The following GALNT17 variants were observed in gnomAD, a reference collection of about 807,000 sequenced individuals.
GALNT17 encodes the protein UDP-GalNAc:polypeptide N-acetylgalactosaminyltransferase-like 3.
GALNT17 carries 29 observed loss-of-function variants against 63.7 expected under a neutral mutation model. The ratio of observed to expected loss-of-function variants is 0.46; its 90% CI spans 0.34 to 0.62. GALNT17 has a LOEUF of 0.62. Ranked by LOEUF, GALNT17 falls within the 20% of genes least tolerant of loss-of-function variation. The probability of loss-of-function intolerance (pLI) is 0.01; values close to 1 mark genes in which losing one functional copy is unlikely to be tolerated. For synonymous variants in GALNT17, 305 were observed against 318.3 expected (o/e 0.96, Z 0.45); for missense variants, 603 against 799.6 (o/e 0.75, Z 2.97).
intron 3 of GALNT17, among the ~76,000 whole-genome samples, chr7:71,390,167 C>T (rs936249659): frequency 1.3e-5 from 2 of 152,198 alleles, no homozygotes; most frequent in African/African-American, 4.8e-5. Flanking sequence ...AAACCCCTTC[C>T]TTTCATCGTG....
At chr7:71,613,502 A>C (rs1314379973) in intron 6 of GALNT17, among the ~76,000 whole-genome samples, 1 of 152,202 alleles carries the variant, frequency 6.6e-6, no homozygotes, top group African/African-American at 2.4e-5. Flanking sequence ...CGTTTCAGCC[A>C]AATCCTTCTT....
chr7:71,394,552 C>A (rs1793104976), intron 3 of GALNT17, among the ~76,000 whole-genome samples: 2 of 152,154 alleles, frequency 1.3e-5, no homozygotes, highest in South Asian at 2.1e-4. Context: ...CCACTCAAGC[C>A]CAGAACAATT....
intron 1 of GALNT17, among the ~76,000 whole-genome samples, chr7:71,248,446 C>A (rs1160302070): frequency 6.6e-6 from 1 of 152,038 alleles, no homozygotes; most frequent in Non-Finnish European, 1.5e-5. Context: ...GTAATTCAAA[C>A]CTGTGTTATT....
At chr7:71,269,709 C>T in intron 1 of GALNT17, among the ~76,000 whole-genome samples, 1 of 152,178 alleles carries the variant, frequency 6.6e-6, no homozygotes, top group East Asian at 1.9e-4. Context: ...TTTGTAAATC[C>T]TAAAATTGAG....
intron 9 of GALNT17, among the ~76,000 whole-genome samples, chr7:71,692,912 A>T (rs7780816): frequency 0.75 from 113,288 of 150,770 alleles, 42,669 homozygotes; most frequent in East Asian, 0.85. Flanking sequence ...CTAATTTTTG[A>T]ATTTTTAGTA....
intron 6 of GALNT17, among the ~76,000 whole-genome samples, chr7:71,656,605 T>C (rs980400192): frequency 6.6e-6 from 1 of 151,914 alleles, no homozygotes; most frequent in Non-Finnish European, 1.5e-5. Context: ...GATTCGGAAG[T>C]GGTGGCTGTG....
chr7:71,546,252 C>T (rs1788983304), intron 5 of GALNT17, among the ~76,000 whole-genome samples: 1 of 151,780 alleles, frequency 6.6e-6, no homozygotes, highest in South Asian at 2.1e-4. Flanking sequence ...CCTCAGCCTC[C>T]CTGGCTGAAG....
At chr7:71,577,426 A>AAC (rs1463673162) in intron 6 of GALNT17, among the ~76,000 whole-genome samples, 1 of 152,060 alleles carries the variant, frequency 6.6e-6, no homozygotes, top group Non-Finnish European at 1.5e-5. Flanking sequence ...GACACACACA[A>AAC]ACACACGCAC....
intron 5 of GALNT17, among the ~76,000 whole-genome samples, chr7:71,511,026 G>A (rs1275239706): frequency 6.6e-6 from 1 of 151,916 alleles, no homozygotes; most frequent in Non-Finnish European, 1.5e-5. Flanking sequence ...TAATAATAAT[G>A]ATAGAATTAG....
At chr7:71,554,039 C>T (rs777654664) in intron 5 of GALNT17, among the ~76,000 whole-genome samples, 1 of 152,214 alleles carries the variant, frequency 6.6e-6, no homozygotes, top group African/African-American at 2.4e-5. Flanking sequence ...GTATTCATAG[C>T]CGATGCCCTT....
At chr7:71,153,044 A>G (rs1788162098) in intron 1 of GALNT17, among the ~76,000 whole-genome samples, 1 of 151,136 alleles carries the variant, frequency 6.6e-6, no homozygotes, top group Non-Finnish European at 1.5e-5. Context: ...AGCCAGAGAT[A>G]CAGCCCTGGC....
chr7:71,255,070 A>C (rs1211213773), intron 1 of GALNT17, among the ~76,000 whole-genome samples: 2 of 152,236 alleles, frequency 1.3e-5, no homozygotes, highest in Non-Finnish European at 2.9e-5. Flanking sequence ...ACATTTCCCC[A>C]GTGGATTCCT....
intron 5 of GALNT17, among the ~76,000 whole-genome samples, chr7:71,434,040 T>TC (rs1786915440): frequency 6.6e-6 from 1 of 152,116 alleles, no homozygotes; most frequent in South Asian, 2.1e-4. Flanking sequence ...AACATCAGAC[T>TC]CCAATTTCTT....
intron 5 of GALNT17, among the ~76,000 whole-genome samples, chr7:71,494,922 C>T (rs530733299): frequency 6.6e-6 from 1 of 152,290 alleles, no homozygotes; most frequent in South Asian, 2.1e-4. Context: ...ACCACAAGAA[C>T]AGTATGGAGG....
In GALNT17 at chr7:71,524,218, TTATTA is replaced by T. The variant is rs575039021; in HGVS notation, c.963-47053_963-47049del. 3.3e-3 allele frequency among the ~76,000 whole-genome samples: 482 copies of T among 147,676 alleles called. 2 individuals carry two copies. The highest frequency in any genetic ancestry group is 9.9e-3 in the African/African-American group (401 of 40,678). On this transcript the variant is annotated intron_variant, in intron 5 of 10. Transcript: ENST00000333538. ...AGTAATAGTAACTAGTTATTAACTA[TTATTA>T]TATTATATTATATATATAATAATAA...
chr7:71,497,551 C>G (rs553864232), intron 5 of GALNT17, among the ~76,000 whole-genome samples: 8 of 152,182 alleles, frequency 5.3e-5, no homozygotes, highest in Non-Finnish European at 1.0e-4. Flanking sequence ...TTTAAAGACC[C>G]TTTCTCCAAA....
At chr7:71,295,754 A>G (rs1363738801) in intron 1 of GALNT17, among the ~76,000 whole-genome samples, 1 of 151,792 alleles carries the variant, frequency 6.6e-6, no homozygotes, top group African/African-American at 2.4e-5. Flanking sequence ...GCACACCATC[A>G]TGCCTGGCCA....
chr7:71,389,633 CCTT>C (rs1326204172), intron 3 of GALNT17, among the ~76,000 whole-genome samples: 3 of 152,158 alleles, frequency 2.0e-5, no homozygotes, highest in East Asian at 1.9e-4. Flanking sequence ...AGATGAACTT[CCTT>C]CTTCTCATTA....
chr7:71,209,209 C>T (rs1789330026), intron 1 of GALNT17, among the ~76,000 whole-genome samples: 1 of 152,198 alleles, frequency 6.6e-6, no homozygotes, highest in African/African-American at 2.4e-5. Context: ...AACCATTCTT[C>T]ACTTGAGGGC....
Sources: allele counts gnomAD v4.1 joint callset (sites outside exome capture counted in the v4.1 genomes callset), GRCh38; gene constraint gnomAD v4.1.1; transcripts MANE v1.5; gene names NCBI Gene and HGNC (gene_info 2026-07-23, HGNC 2026-07-21).